Variants in PRDM16 observed in about 807,000 individuals in gnomAD.
PRDM16 encodes histone-lysine N-methyltransferase PRDM16.
Under a neutral mutation model 110.6 loss-of-function variants are expected in PRDM16, and 23 were observed. The observed-to-expected ratio is 0.21, with a 90% confidence interval of 0.15 to 0.29. The LOEUF (loss-of-function observed/expected upper bound fraction) is 0.29, where lower values mean the gene tolerates loss of function less well. Among genes scored for constraint, PRDM16 ranks in the 10% least tolerant of loss-of-function variants. PRDM16 has a pLI of 1.00. For missense variants in PRDM16, 1,615 were observed against 1,794.3 expected (o/e 0.90, Z 1.81); for synonymous variants, 799 against 781.8 (o/e 1.02, Z -0.37).
At chr1:3,163,928 A>G (rs1643921088) in intron 1 of PRDM16, among the ~76,000 whole-genome samples, 1 of 152,140 alleles carries the variant, frequency 6.6e-6, no homozygotes, top group Non-Finnish European at 1.5e-5. Flanking sequence ...AATATGGATA[A>G]CCTCACTTCA....
At chr1:3,137,467 G>T (rs1034170831) in intron 1 of PRDM16, among the ~76,000 whole-genome samples, 2 of 152,224 alleles carry the variant, frequency 1.3e-5, no homozygotes, top group African/African-American at 2.4e-5. Flanking sequence ...TAGGGTCCCA[G>T]AACATTCCAG....
chr1:3,212,551 C>T (rs542635909), intron 2 of PRDM16, among the ~76,000 whole-genome samples: 4 of 150,056 alleles, frequency 2.7e-5, no homozygotes, highest in East Asian at 3.9e-4. Flanking sequence ...CCTGGCTGGA[C>T]GCCTGCACCC....
intron 1 of PRDM16, among the ~76,000 whole-genome samples, chr1:3,142,503 G>C (rs12120940): frequency 6.7e-6 from 1 of 150,204 alleles, no homozygotes; most frequent in Non-Finnish European, 1.5e-5. Context: ...AGGCGCCGTC[G>C]AACGGGATGC....
At chr1:3,318,132 T>C (rs1641655275) in intron 3 of PRDM16, among the ~76,000 whole-genome samples, 1 of 151,580 alleles carries the variant, frequency 6.6e-6, no homozygotes. Context: ...TATACCCCAG[T>C]TTTTTACTGC....
chr1:3,420,442 T>C (rs1253260754), intron 12 of PRDM16, among the ~76,000 whole-genome samples: 1 of 152,212 alleles, frequency 6.6e-6, no homozygotes, highest in Non-Finnish European at 1.5e-5. Flanking sequence ...TGTGCATATG[T>C]GTGTGCCCTG....
At chr1:3,354,911 C>A (rs1226907180) in intron 3 of PRDM16, among the ~76,000 whole-genome samples, 2 of 152,182 alleles carry the variant, frequency 1.3e-5, no homozygotes, top group African/African-American at 4.8e-5. Context: ...CCATGAAGGG[C>A]TACCTGGCCA....
chr1:3,252,281 C>A (rs751099633), intron 3 of PRDM16, among the ~76,000 whole-genome samples: 14 of 152,248 alleles, frequency 9.2e-5, no homozygotes, highest in Admixed American at 2.0e-4. Flanking sequence ...GCATGCCCAG[C>A]GGTGTCCCTG....
At chr1:3,268,606 A>T (rs1640354499) in intron 3 of PRDM16, among the ~76,000 whole-genome samples, 1 of 152,144 alleles carries the variant, frequency 6.6e-6, no homozygotes, top group African/African-American at 2.4e-5. Context: ...GCTTAAAAAA[A>T]TCCATCACTC....
At chr1:3,341,292 A>T (rs1482218823) in intron 3 of PRDM16, among the ~76,000 whole-genome samples, 2 of 152,184 alleles carry the variant, frequency 1.3e-5, no homozygotes, top group Non-Finnish European at 2.9e-5. Flanking sequence ...GGTAGGTCTC[A>T]GAGGGAGTGA....
rs576387389 is a variant in PRDM16, at chr1:3,339,594, C to A, written c.439-45558C>A. On this transcript the variant is annotated intron_variant, in intron 3 of 16. Transcript: ENST00000270722. This position sits in a 1 kb window ranked among gnomAD's most constrained non-coding sequence, Gnocchi z 5.0. ...AGCGTGGGAGGAGGCTGCGGAGCGA[C>A]CATTGCCTTGGTCTCGCTCACACCT... Among the ~76,000 whole-genome samples the A allele has an allele frequency of 2.6e-5, 4 of 152,094 alleles. No homozygotes were observed. In the East Asian group the frequency reaches 7.8e-4, roughly 30 times the overall value.
chr1:3,332,743 C>T (rs1642070096), intron 3 of PRDM16, among the ~76,000 whole-genome samples: 1 of 151,876 alleles, frequency 6.6e-6, no homozygotes, highest in Non-Finnish European at 1.5e-5. Flanking sequence ...CCGCCCGTCC[C>T]CCCAGGCCCT....
intron 1 of PRDM16, among the ~76,000 whole-genome samples, chr1:3,156,138 T>A (rs2100731947): frequency 6.6e-6 from 1 of 152,242 alleles, no homozygotes; most frequent in East Asian, 1.9e-4. Context: ...TGCTAATATA[T>A]CTCGTTGATT....
chr1:3,387,947 G>A (rs967936765), intron 4 of PRDM16, among the ~76,000 whole-genome samples: 4 of 152,200 alleles, frequency 2.6e-5, no homozygotes, highest in Non-Finnish European at 4.4e-5. Flanking sequence ...GCCCTCTCGC[G>A]CGCTGTGACG....
At chr1:3,163,820 G>C (rs1557494325) in intron 1 of PRDM16, among the ~76,000 whole-genome samples, 1 of 152,106 alleles carries the variant, frequency 6.6e-6, no homozygotes, top group African/African-American at 2.4e-5. Flanking sequence ...ACGGTCATTT[G>C]GATAAGGGAG....
intron 2 of PRDM16, among the ~76,000 whole-genome samples, chr1:3,216,598 A>T (rs1639036327): frequency 6.6e-6 from 1 of 152,210 alleles, no homozygotes; most frequent in South Asian, 2.1e-4. Flanking sequence ...ATGACCTGCC[A>T]TAGAAGGCTG....
chr1:3,369,540 A>C (rs1473611937), intron 3 of PRDM16, among the ~76,000 whole-genome samples: 1 of 152,242 alleles, frequency 6.6e-6, no homozygotes, highest in Non-Finnish European at 1.5e-5. Context: ...ATGAGGAGAA[A>C]GGATGGGCTG....
chr1:3,381,964 G>A (rs545235086), intron 3 of PRDM16, among the ~76,000 whole-genome samples: 9 of 152,334 alleles, frequency 5.9e-5, no homozygotes, highest in African/African-American at 2.2e-4. Context: ...GACCCGGCCA[G>A]TGGTGAGGGA....
intron 3 of PRDM16, among the ~76,000 whole-genome samples, chr1:3,257,497 T>C (rs1446360697): frequency 6.6e-6 from 1 of 152,154 alleles, no homozygotes; most frequent in Non-Finnish European, 1.5e-5. Flanking sequence ...ACACTGGGCT[T>C]AGGAAAAAAA....
At chr1:3,189,387 G>A (rs1638241916) in intron 2 of PRDM16, among the ~76,000 whole-genome samples, 1 of 151,634 alleles carries the variant, frequency 6.6e-6, no homozygotes, top group Admixed American at 6.6e-5. Flanking sequence ...AGAAAAACAT[G>A]GGTGCCAGCG....
Sources: gnomAD v4.1 joint callset for allele counts (sites outside exome capture counted in the v4.1 genomes callset) on GRCh38, gnomAD v4.1.1 for gene constraint, Gnocchi (gnomAD v3.1) non-coding constraint, MANE v1.5 for transcripts, NCBI Gene and HGNC (gene_info 2026-07-23, HGNC 2026-07-21) for gene names.